GKAP1: variants seen among roughly 807,000 people sequenced by gnomAD.
GKAP1 encodes the protein G kinase-anchoring protein 1.
GKAP1 carries 31 observed loss-of-function variants against 56.7 expected under a neutral mutation model. The ratio of observed to expected loss-of-function variants is 0.55; its 90% CI spans 0.41 to 0.74. GKAP1 has a LOEUF of 0.74. GKAP1 is among the 30% of genes least tolerant of loss of function. The pLI, the probability that GKAP1 is intolerant of heterozygous loss-of-function variation, is 0.00. For synonymous variants in GKAP1, 151 were observed against 138.6 expected, an observed-to-expected ratio of 1.09 and a Z score of -0.63; for missense variants, 364 against 402.3, an observed-to-expected ratio of 0.90 and a Z score of 0.82.
chr9:83,776,463 G>T (rs185830167), intron 7 of GKAP1, among the ~76,000 whole-genome samples: 1 of 152,180 alleles, frequency 6.6e-6, no homozygotes, highest in South Asian at 2.1e-4. Flanking sequence ...TTGGGAGGCC[G>T]AGGCAGGTGG....
At chr9:83,810,132 G>A (rs556387035) in intron 2 of GKAP1, among the ~76,000 whole-genome samples, 25 of 152,182 alleles carry the variant, frequency 1.6e-4, no homozygotes, top group East Asian at 1.4e-3. Flanking sequence ...CATTTTTATC[G>A]CAAGAAATTT....
intron 10 of GKAP1, among the ~76,000 whole-genome samples, chr9:83,745,759 T>C (rs1943282654): frequency 6.6e-6 from 1 of 152,130 alleles, no homozygotes; most frequent in Admixed American, 6.6e-5. Context: ...TCTCAGGATG[T>C]AGACATCTAA....
rs377400261 is a variant in GKAP1, at chr9:83,799,254, T to G, written c.291A>C (p.Pro97=). The G allele has an allele frequency of 7.5e-5, 121 of 1,609,734 alleles. No homozygotes were observed. The South Asian group carries it at 1.2e-3, about 17-fold the overall frequency. ...AATCCTTCTGTACTGGGTTTGACAA[T>G]GGAAGATCATGTTGAGCGTTACAAA... The part of the protein sequence containing the change: ...HAVCNAQHDL[P]LSNPVQKDSR... The change falls in exon 4 of 13, where the codon CCA becomes CCC. Residue 97 remains proline (P), a synonymous_variant. Coordinates refer to ENST00000376371, the MANE Select transcript of GKAP1 (RefSeq NM_025211.4).
chr9:83,751,409 C>T (rs1450689117), intron 9 of GKAP1, among the ~76,000 whole-genome samples: 4 of 152,160 alleles, frequency 2.6e-5, no homozygotes, highest in African/African-American at 7.2e-5. Context: ...CAACTATTTA[C>T]ATGTTTATCT....
chr9:83,788,493 TTTGGACAAAC>T (rs1944101414), intron 5 of GKAP1, 98 bp downstream of exon 5: 1 of 603,880 alleles, frequency 1.7e-6, no homozygotes, highest in Non-Finnish European at 2.9e-6. Context: ...GTAATGAATT[TTTGGACAAAC>T]TTTTACAGAA....
Position 83,791,654 on chromosome 9 carries a change from G to C in GKAP1, c.361-2976C>G, listed in dbSNP as rs1281547816. Among the ~76,000 whole-genome samples, 5 of 152,310 alleles carry C rather than the reference G, an allele frequency of 3.3e-5. No individual in the cohort carries two copies. The East Asian group carries it at 9.6e-4, about 29-fold the overall frequency. On this transcript the variant is annotated intron_variant, in intron 4 of 12. Transcript: ENST00000376371. ...ATTCATTTAGAGTCTTCTAGGGGCT[G>C]TGCCCTCCCTGCCTATGGGGCTTAA...
intron 9 of GKAP1, 162 bp from the exon 10 acceptor site, chr9:83,748,534 TTAAA>T: frequency 2.2e-6 from 1 of 451,592 alleles, no homozygotes; most frequent in Non-Finnish European, 3.9e-6. Flanking sequence ...TATCTACAAC[TTAAA>T]TTAAGTCCCT....
chr9:83,748,980 AAT>A (rs1687136498), intron 9 of GKAP1: 1 of 152,208 alleles, frequency 6.6e-6, no homozygotes, highest in South Asian at 2.1e-4. Context: ...TCACTAACTA[AAT>A]AATCACTGTT....
Position 83,755,799 on chromosome 9 carries a change from CTTTTT to C in GKAP1, c.739-2445_739-2441del, listed in dbSNP as rs34145592. Among the ~76,000 whole-genome samples, 120 of 124,434 alleles carry C rather than the reference CTTTTT, an allele frequency of 9.6e-4. No homozygotes were observed. In the East Asian group the frequency reaches 0.022, roughly 23 times the overall value. 81.6% of individuals were successfully genotyped at this position (124,434 alleles called of 152,430 possible). A position where few individuals can be genotyped will look rare whatever the true frequency, so the allele number is the denominator to read the frequency against. On this transcript the variant is annotated intron_variant, in intron 8 of 12. Transcript: ENST00000376371. ...AAATCCAGGTTTTATCAAACTGGTA[CTTTTT>C]TTTTTTTTTTTTTTTTTGAGACGAA...
At chr9:83,798,077 G>A (rs965146895) in intron 4 of GKAP1, among the ~76,000 whole-genome samples, 5 of 152,126 alleles carry the variant, frequency 3.3e-5, no homozygotes, top group African/African-American at 7.2e-5. Flanking sequence ...TCATAATCAT[G>A]AGCCTGAGGC....
chr9:83,781,899 A>T (rs1943979576), intron 6 of GKAP1, among the ~76,000 whole-genome samples: 1 of 145,496 alleles, frequency 6.9e-6, no homozygotes, highest in South Asian at 2.2e-4. Context: ...GCTGGAGTGC[A>T]GCGGTACGAT....
chr9:83,796,549 C>A (rs981370669), intron 4 of GKAP1, among the ~76,000 whole-genome samples: 16 of 152,132 alleles, frequency 1.1e-4, no homozygotes, highest in Non-Finnish European at 2.4e-4. Context: ...TGGCTCACAA[C>A]CTCTGCCTCC....
chr9:83,745,038 A>T (rs1349973451), intron 10 of GKAP1, among the ~76,000 whole-genome samples: 1 of 152,032 alleles, frequency 6.6e-6, no homozygotes, highest in Non-Finnish European at 1.5e-5. Flanking sequence ...TTGGGTGGAG[A>T]CACAGAGCCA....
At chr9:83,805,028 G>T (rs972247975) in intron 3 of GKAP1, among the ~76,000 whole-genome samples, 5 of 152,224 alleles carry the variant, frequency 3.3e-5, no homozygotes, top group East Asian at 3.9e-4. Flanking sequence ...GAATAGAAGG[G>T]GGGGAAAGGT....
intron 8 of GKAP1, among the ~76,000 whole-genome samples, chr9:83,767,050 T>G (rs1943676157): frequency 6.6e-6 from 1 of 152,196 alleles, no homozygotes; most frequent in African/African-American, 2.4e-5. Context: ...AACAGGTTTA[T>G]AGTTAAGACG....
chr9:83,748,263 T>C (rs769026151), intron 10 of GKAP1, 46 bp downstream of exon 10: 14 of 1,276,490 alleles, frequency 1.1e-5, no homozygotes, highest in Admixed American at 9.8e-5. Flanking sequence ...CCTTCAGATA[T>C]TATTTAAGAT....
chr9:83,751,434 C>T (rs936617338), intron 9 of GKAP1, among the ~76,000 whole-genome samples: 2 of 152,160 alleles, frequency 1.3e-5, no homozygotes, highest in Admixed American at 6.5e-5. Context: ...CATTAATCTA[C>T]AAGCTTCTTG....
Position 83,745,795 on chromosome 9 carries a change from A to ATTT in GKAP1, c.904+2511_904+2513dup, listed in dbSNP as rs534829233. Among the ~76,000 whole-genome samples, 484 of 145,432 alleles carry ATTT rather than the reference A, an allele frequency of 3.3e-3. 9 individuals are homozygous for ATTT. The highest frequency in any genetic ancestry group is 0.011 in the African/African-American group (456 of 39,932). On this transcript the variant is annotated intron_variant, in intron 10 of 12. Coordinates refer to ENST00000376371, the MANE Select transcript of GKAP1 (RefSeq NM_025211.4). ...ATGTCCAAATAATATTTTTCCCCGT[A>ATTT]TTTTTTTTTTTTTGAGACAAAGTCT...
At chr9:83,747,154 A>G (rs139444524) in intron 10 of GKAP1, among the ~76,000 whole-genome samples, 85 of 152,328 alleles carry the variant, frequency 5.6e-4, no homozygotes, top group Non-Finnish European at 1.0e-3. Flanking sequence ...GTCTCATACT[A>G]AAAAATTAAC....
Sources: allele counts gnomAD v4.1 joint callset (sites outside exome capture counted in the v4.1 genomes callset), GRCh38; gene constraint gnomAD v4.1.1; transcripts MANE v1.5; gene names NCBI Gene and HGNC (gene_info 2026-07-23, HGNC 2026-07-21).